Variants in LETM1 observed in about 807,000 individuals in gnomAD.
The protein encoded by LETM1 is leucine zipper and EF-hand containing transmembrane protein 1, also known as mitochondrial proton/calcium exchanger protein.
Under a neutral mutation model 74.5 loss-of-function variants are expected in LETM1, and 50 were observed. The ratio of observed to expected loss-of-function variants is 0.67; its 90% CI spans 0.53 to 0.85. The LOEUF is 0.85. Ranked by LOEUF, LETM1 falls within the 40% of genes least tolerant of loss-of-function variation. The probability of loss-of-function intolerance (pLI) is 0.00; values close to 1 mark genes in which losing one functional copy is unlikely to be tolerated. For synonymous variants in LETM1, 446 were observed against 407.1 expected (o/e 1.10, Z -1.15); for missense variants, 824 against 967.8 (o/e 0.85, Z 1.97).
At chr4:1,850,630 A>G (rs1713036329) in intron 1 of LETM1, among the ~76,000 whole-genome samples, 2 of 147,734 alleles carry the variant, frequency 1.4e-5, no homozygotes, top group Admixed American at 6.7e-5. Flanking sequence ...GCGACAGAGC[A>G]AGACTCTGTC....
At chr4:1,853,973 AATTATT>A (rs535427065) in intron 1 of LETM1, among the ~76,000 whole-genome samples, 1 of 152,168 alleles carries the variant, frequency 6.6e-6, no homozygotes, top group African/African-American at 2.4e-5. Context: ...ATAAAAAGCT[AATTATT>A]ATTATTATTT....
intron 6 of LETM1, among the ~76,000 whole-genome samples, chr4:1,832,046 A>G (rs1226351270): frequency 1.3e-5 from 2 of 152,326 alleles, no homozygotes; most frequent in Admixed American, 6.5e-5. Context: ...CATGCCTGTA[A>G]TCCCAGCACT....
chr4:1,831,277 G>A (rs889744127), intron 6 of LETM1, among the ~76,000 whole-genome samples: 1 of 152,198 alleles, frequency 6.6e-6, no homozygotes. Flanking sequence ...TGGTGGGAGC[G>A]CTGCCTCGTA....
chr4:1,855,872 G>T lies in LETM1; in HGVS notation c.79C>A (p.Arg27=). 1.6e-6 allele frequency: 2 copies of T among 1,232,498 alleles called. No homozygotes were observed. The allele number at this position is 1,232,498 out of a possible 1,614,324, so 76.3% of individuals were successfully genotyped here. ...CCCTGGGGTGCCCGCCGCTTACCCC[G>T]CGGGACGGTGTACCGAGGCGGCGGC... The part of the protein sequence containing the change: ...LPPPPRYTVP[R]GSPGDPAHLS... The change falls in exon 1 of 14, where the codon CGG becomes AGG. Residue 27 remains arginine (R), a synonymous_variant. Transcript: ENST00000302787.
At chr4:1,827,804 C>T (rs1463292456) in intron 6 of LETM1, among the ~76,000 whole-genome samples, 2 of 150,742 alleles carry the variant, frequency 1.3e-5, no homozygotes, top group Non-Finnish European at 3.0e-5. Context: ...AGCTGTTGGG[C>T]ACACCTCCCA....
rs1711886116 is a variant in LETM1, at chr4:1,823,834, C to G, written c.1201-59G>C. The G allele has an allele frequency of 2.7e-5, 42 of 1,543,122 alleles. No individual in the cohort carries two copies. In the South Asian group the frequency reaches 5.3e-4, roughly 19 times the overall value. On this transcript the variant is annotated intron_variant, in intron 7 of 13. Transcript: ENST00000302787. The stretch of plus-strand genomic sequence containing the variant: ...CCCCCCAACCCTGCTGGCCCCACAG[C>G]AGGTCCGCCCATCTCATCACCAGAA...
intron 1 of LETM1, among the ~76,000 whole-genome samples, chr4:1,853,579 C>T (rs1713141468): frequency 6.6e-6 from 1 of 152,190 alleles, no homozygotes; most frequent in African/African-American, 2.4e-5. Context: ...CTGTCAAGGT[C>T]ACTGCAGACA....
At chr4:1,821,008 T>C (rs886248806) in intron 10 of LETM1, among the ~76,000 whole-genome samples, 2 of 151,932 alleles carry the variant, frequency 1.3e-5, no homozygotes, top group African/African-American at 4.8e-5. Flanking sequence ...GGCAACAGAG[T>C]GAGATCCCAC....
At position 1,841,788 on chromosome 4, in the gene LETM1, T is replaced by C. The variant is rs758891657; in HGVS notation, c.153A>G (p.Pro51=). 1.2e-6 allele frequency: 2 copies of C among 1,611,236 alleles called. No homozygotes were observed. Among genetic ancestry groups the C allele is most frequent in the South Asian group, 2.2e-5 (2 of 90,982 alleles). Reference sequence around the variant, plus strand: ...GGTGGATGGGAGTGCAGCAGCCAAATGGAACATTCCTTGAAAAGGGAAGAG... The same window carrying C: ...GGTGGATGGGAGTGCAGCAGCCAAACGGAACATTCCTTGAAAAGGGAAGAG... The part of the protein sequence containing the change: ...TLGLRNCLNV[P]FGCCTPIHPV... Residue 51 remains proline (P), a synonymous_variant, in exon 3 of 14, where the codon CCA becomes CCG. Coordinates refer to ENST00000302787, the MANE Select transcript of LETM1 (RefSeq NM_012318.3).
chr4:1,833,125 G>A (rs1241998165), intron 5 of LETM1, 178 bp from the exon 6 acceptor site: 9 of 605,876 alleles, frequency 1.5e-5, no homozygotes, highest in East Asian at 2.8e-5. Flanking sequence ...AGGCTGGAAT[G>A]CAGTGGTGTA....
chr4:1,815,518 G>A (rs1403565699), intron 13 of LETM1, 146 bp downstream of exon 13: 1 of 723,568 alleles, frequency 1.4e-6, no homozygotes, highest in Admixed American at 2.8e-5. Flanking sequence ...GCGGCTTAAA[G>A]GAGCAGTCGC....
At chr4:1,848,877 T>C (rs1456945424) in intron 2 of LETM1, among the ~76,000 whole-genome samples, 1 of 152,096 alleles carries the variant, frequency 6.6e-6, no homozygotes, top group Non-Finnish European at 1.5e-5. Context: ...TAAATTCCAT[T>C]TAATTCCTGT....
intron 12 of LETM1, among the ~76,000 whole-genome samples, chr4:1,816,132 G>A (rs1202344984): frequency 6.6e-6 from 1 of 152,272 alleles, no homozygotes; most frequent in Non-Finnish European, 1.5e-5. Context: ...TCACGATCAT[G>A]GGGGCTGTGG....
chr4:1,846,836 A>G (rs1712897995), intron 2 of LETM1, among the ~76,000 whole-genome samples: 1 of 152,220 alleles, frequency 6.6e-6, no homozygotes, highest in Non-Finnish European at 1.5e-5. Context: ...GATGATTACT[A>G]TGTACTAAGA....
chr4:1,814,252 A>G lies in LETM1; in HGVS notation c.*172T>C. The G allele has an allele frequency of 9.3e-7, 1 of 1,079,646 alleles. No homozygotes were observed. The highest frequency in any genetic ancestry group is 2.1e-5 in the Admixed American group (1 of 47,418). 66.9% of individuals were successfully genotyped at this position (1,079,646 alleles called of 1,614,324 possible). A position where few individuals can be genotyped will look rare whatever the true frequency, so the allele number is the denominator to read the frequency against. On this transcript the variant is annotated 3_prime_UTR_variant, in exon 14 of 14. Transcript: ENST00000302787. ...GGAGGGGTTCCGGGATTCCAGACAG[A>G]CTGAATCTCCGTGGAATGATGAAAA...
chr4:1,832,287 A>G (rs1189635217), intron 6 of LETM1, among the ~76,000 whole-genome samples: 4 of 151,932 alleles, frequency 2.6e-5, no homozygotes, highest in Non-Finnish European at 4.4e-5. Context: ...GGGCAACAAG[A>G]TCGAAACACC....
At position 1,823,693 on chromosome 4, in the gene LETM1, G is replaced by A. The variant is rs1048310238; in HGVS notation, c.1283C>T (p.Ser428Phe). 6.2e-7 allele frequency: 1 copy of A among 1,613,912 alleles called. No individual in the cohort carries two copies. The highest frequency in any genetic ancestry group is 1.3e-5 in the African/African-American group (1 of 74,914). The change falls in exon 8 of 14, where the codon TCT (serine) becomes TTT (phenylalanine). Residue 428 changes from serine to phenylalanine, a missense_variant. Physicochemically the swap from Ser to Phe is radical, Grantham distance 155. Transcript: ENST00000302787. ...TGTGGACTTGAGCTGGTCGGCTGGA[G>A]AGAGGGTGTCCGGGAGGTACATGGC... is the stretch of plus-strand genomic sequence containing the variant. ...SRAMYLPDTL[S>F]PADQLKSTLQ... is the part of the protein sequence containing the mutation.
intron 2 of LETM1, 124 bp from the exon 3 acceptor site, chr4:1,841,921 A>G: frequency 1.4e-6 from 1 of 722,046 alleles, no homozygotes; most frequent in Non-Finnish European, 2.3e-6. Flanking sequence ...AACCACACAC[A>G]ATCCCACCTA....
chr4:1,845,381 G>A (rs1712845812), intron 2 of LETM1, among the ~76,000 whole-genome samples: 1 of 152,050 alleles, frequency 6.6e-6, no homozygotes, highest in Non-Finnish European at 1.5e-5. Flanking sequence ...CGAGGTAGGT[G>A]GATCACCTGA....
Sources: allele counts gnomAD v4.1 joint callset (sites outside exome capture counted in the v4.1 genomes callset), GRCh38; gene constraint gnomAD v4.1.1; transcripts MANE v1.5; gene names NCBI Gene and HGNC (gene_info 2026-07-23, HGNC 2026-07-21).